SYNJ1: variants seen among roughly 807,000 people sequenced by gnomAD.
SYNJ1 encodes the protein polyphosphatidylinositol phosphatase SYNJ1.
A neutral mutation model predicts 168.2 loss-of-function variants in SYNJ1; 78 were observed. That is an observed-to-expected ratio of 0.46 (90% confidence interval 0.39 to 0.56). SYNJ1 has a LOEUF of 0.56. Ranked by LOEUF, SYNJ1 falls within the 20% of genes least tolerant of loss-of-function variation. SYNJ1 has a pLI of 0.00. For synonymous variants in SYNJ1, 539 were observed against 548.6 expected (o/e 0.98, Z 0.24); for missense variants, 1,303 against 1,597.6 (o/e 0.82, Z 3.14).
At chr21:32,673,923 A>T (rs547299956) in intron 13 of SYNJ1, among the ~76,000 whole-genome samples, 2 of 152,350 alleles carry the variant, frequency 1.3e-5, no homozygotes, top group South Asian at 4.1e-4. Context: ...TTTCATTAAG[A>T]GTCTGGTAAA....
At chr21:32,657,663 C>A in intron 19 of SYNJ1, 53 bp downstream of exon 19, 1 of 1,481,106 alleles carries the variant, frequency 6.8e-7, no homozygotes, top group Non-Finnish European at 9.0e-7. Context: ...TCATTCCCTG[C>A]TTCCTCATAA....
In SYNJ1 at chr21:32,631,893, G is replaced by T. The variant is rs376590036; in HGVS notation, c.*4-92C>A. 239 of 1,183,580 alleles carry T rather than the reference G, an allele frequency of 2.0e-4. 3 individuals carry two copies. The East Asian group carries it at 3.9e-3, about 19-fold the overall frequency. 73.3% of individuals were successfully genotyped at this position (1,183,580 alleles called of 1,614,324 possible). On this transcript the variant is annotated intron_variant, in intron 32 of 32. Coordinates refer to ENST00000674351, the MANE Select transcript of SYNJ1 (RefSeq NM_203446.3). ...TCTCAATTATTCTTCCCTTTTAGGG[G>T]CAAGCATGTAAATTTAGAAACTAAA...
chr21:32,695,846 G>GTTTTT (rs768063936), intron 4 of SYNJ1, among the ~76,000 whole-genome samples: 2 of 144,066 alleles, frequency 1.4e-5, no homozygotes, highest in Non-Finnish European at 3.1e-5. Context: ...GTTTTGTTTT[G>GTTTTT]TTTTTTTTTT....
intron 2 of SYNJ1, among the ~76,000 whole-genome samples, chr21:32,716,437 G>A (rs1004387690): frequency 6.6e-6 from 1 of 152,170 alleles, no homozygotes; most frequent in African/African-American, 2.4e-5. Context: ...CTAGGTGAAT[G>A]GTTTGGTTTG....
rs1368108409 is a variant in SYNJ1 at position 32,629,618 on chromosome 21, G to A, written c.*2187C>T. ...GTTAAGTGTGGACATAGGAATTTAG[G>A]TGGACATATACAACTCTTTATATAA... On this transcript the variant is annotated 3_prime_UTR_variant, in exon 33 of 33. Coordinates refer to ENST00000674351, the MANE Select transcript of SYNJ1 (RefSeq NM_203446.3). 6.6e-6 allele frequency: 1 copy of A among 152,502 alleles called. No individual in the cohort carries two copies. Among genetic ancestry groups the A allele is most frequent in the Admixed American group, 6.6e-5 (1 of 15,264 alleles). 9.4% of individuals were successfully genotyped at this position (152,502 alleles called of 1,614,324 possible).
intron 2 of SYNJ1, among the ~76,000 whole-genome samples, chr21:32,720,740 G>C (rs2043190981): frequency 6.6e-6 from 1 of 152,222 alleles, no homozygotes. Flanking sequence ...TTAATTTTAA[G>C]AGTTAGGAAT....
rs117275928 is a variant in SYNJ1 at position 32,727,818 on chromosome 21, G to A, written c.-23+128C>T. Reference sequence around the variant, plus strand: ...CCGCCCGTCCTCCCGCACCCCGGCTGCTCGCGGTCGCCCCTCACCGCTCCC... The same window carrying A: ...CCGCCCGTCCTCCCGCACCCCGGCTACTCGCGGTCGCCCCTCACCGCTCCC... On this transcript the variant is annotated intron_variant, in intron 1 of 32. Coordinates refer to ENST00000674351, the MANE Select transcript of SYNJ1 (RefSeq NM_203446.3). 98,083 of 1,459,020 alleles carry A rather than the reference G, an allele frequency of 0.067. 3,467 individuals are homozygous for A. Among genetic ancestry groups the A allele is most frequent in the African/African-American group, 0.087 (5,935 of 68,450 alleles). The allele number at this position is 1,459,020 out of a possible 1,614,324, so 90.4% of individuals were successfully genotyped here.
chr21:32,643,431 C>T lies in SYNJ1; in HGVS notation c.3457G>A (p.Val1153Ile). The T allele has an allele frequency of 6.2e-7, 1 of 1,613,744 alleles. No individual in the cohort carries two copies. The highest frequency in any genetic ancestry group is 8.5e-7 in the Non-Finnish European group (1 of 1,179,790). ...GGIGAPPSPG[V>I]ARREMEAPKS... The stretch of plus-strand genomic sequence containing the variant: ...TTACCTTCCATCTCTCTCCTAGCTA[C>T]CCCAGGACTGGGAGGGGCTCCAATA... The change falls in exon 27 of 33, where the codon GTA (valine) becomes ATA (isoleucine). Residue 1153 changes from valine (V) to isoleucine (I), a missense_variant. Transcript: ENST00000674351.
rs745404497 is a variant in SYNJ1 at position 32,646,413 on chromosome 21, G to C, written c.3227C>G (p.Pro1076Arg). The stretch of plus-strand genomic sequence containing the variant: ...CATACTCTGTGCACTGGGAGGCCCA[G>C]GAGTTCTTGACGGTGCTCGGCTTGG... ...IRPSRAPSRT[P>R]GPPSAQSSPI... The change falls in exon 24 of 33, where the codon CCT becomes CGT. Residue 1076 changes from proline to arginine, a missense_variant. By Grantham distance (103) the Pro-to-Arg change is moderately radical. Coordinates refer to ENST00000674351, the MANE Select transcript of SYNJ1 (RefSeq NM_203446.3). 8 of 1,614,154 alleles carry C rather than the reference G, an allele frequency of 5.0e-6. No homozygotes were observed. The South Asian group carries it at 8.8e-5, about 18-fold the overall frequency.
intron 15 of SYNJ1, 97 bp from the exon 16 acceptor site, chr21:32,666,670 C>A: frequency 7.8e-7 from 1 of 1,275,810 alleles, no homozygotes; most frequent in Non-Finnish European, 1.0e-6. Context: ...ACCCAAATAT[C>A]CTAAGACTCT....
chr21:32,721,713 ATAG>A (rs2043229380), intron 2 of SYNJ1, among the ~76,000 whole-genome samples: 1 of 152,238 alleles, frequency 6.6e-6, no homozygotes, highest in Non-Finnish European at 1.5e-5. Flanking sequence ...AAACAAATTA[ATAG>A]TACTTATAGA....
Position 32,678,775 on chromosome 21 carries a change from G to A in SYNJ1, c.1380C>T (p.Thr460=). 1 of 1,612,020 alleles carries A rather than the reference G, an allele frequency of 6.2e-7. No homozygotes were observed. The highest frequency in any genetic ancestry group is 8.5e-7 in the Non-Finnish European group (1 of 1,179,384). The stretch of plus-strand genomic sequence containing the variant: ...CAAAGAAGTTATTCTGAATTGTTCG[G>A]GTAACAGAGCGAGCACCATCTTTTA... ...AKLKDGARSV[T]RTIQNNFFDS... is the part of the protein sequence containing the mutation. The change falls in exon 12 of 33, where the codon ACC becomes ACT. Residue 460 remains threonine, a synonymous_variant. Coordinates refer to ENST00000674351, the MANE Select transcript of SYNJ1 (RefSeq NM_203446.3).
intron 7 of SYNJ1, 40 bp from the exon 8 acceptor site, chr21:32,687,114 G>C (rs1265283502): frequency 1.8e-6 from 2 of 1,091,254 alleles, no homozygotes; most frequent in Non-Finnish European, 2.6e-6. Flanking sequence ...TGTCAAATAA[G>C]AAGCCCAATT....
intron 14 of SYNJ1, among the ~76,000 whole-genome samples, chr21:32,671,142 A>C (rs180848935): frequency 8.9e-4 from 136 of 152,102 alleles, no homozygotes; most frequent in African/African-American, 3.1e-3. Flanking sequence ...GACCCCCATC[A>C]CTACAAAAAA....
chr21:32,646,634 T>G, intron 23 of SYNJ1, 32 bp from the exon 24 acceptor site: 1 of 1,560,826 alleles, frequency 6.4e-7, no homozygotes, highest in Non-Finnish European at 8.8e-7. Context: ...CAGAGATAAC[T>G]CCATTTTAAC....
chr21:32,694,386 C>G, intron 5 of SYNJ1, 75 bp from the exon 6 acceptor site: 3 of 1,158,254 alleles, frequency 2.6e-6, no homozygotes, highest in Non-Finnish European at 3.5e-6. Context: ...AACAAATTTA[C>G]TAAAATCTAT....
chr21:32,699,591 C>T (rs2042326628), intron 4 of SYNJ1, among the ~76,000 whole-genome samples: 1 of 152,100 alleles, frequency 6.6e-6, no homozygotes, highest in African/African-American at 2.4e-5. Context: ...CGTATACCAC[C>T]CCCTCGTGCC....
Position 32,630,887 on chromosome 21 carries a change from T to C in SYNJ1, c.*918A>G, listed in dbSNP as rs2039291183. ...ATCAAATAGTGGTGTTTTGTGAAGA[T>C]ATCAGTGCACTTACAATGACTTATT... On this transcript the variant is annotated 3_prime_UTR_variant, in exon 33 of 33. Coordinates refer to ENST00000674351, the MANE Select transcript of SYNJ1 (RefSeq NM_203446.3). The C allele has an allele frequency of 2.8e-6, 3 of 1,055,444 alleles. No individual in the cohort carries two copies. In the East Asian group the frequency reaches 7.7e-5, roughly 27 times the overall value. 65.4% of individuals were successfully genotyped at this position (1,055,444 alleles called of 1,614,324 possible). A position where few individuals can be genotyped will look rare whatever the true frequency, so the allele number is the denominator to read the frequency against.
chr21:32,660,950 A>G (rs2040674740), intron 18 of SYNJ1, among the ~76,000 whole-genome samples: 1 of 152,106 alleles, frequency 6.6e-6, no homozygotes, highest in African/African-American at 2.4e-5. Context: ...TCCCAAACTG[A>G]CTCAGAAGCT....
Sources: allele counts gnomAD v4.1 joint callset (sites outside exome capture counted in the v4.1 genomes callset), GRCh38; gene constraint gnomAD v4.1.1; transcripts MANE v1.5; gene names NCBI Gene and HGNC (gene_info 2026-07-23, HGNC 2026-07-21).